ARNT2: variants seen among roughly 807,000 people sequenced by gnomAD.
ARNT2 encodes the protein aryl hydrocarbon receptor nuclear translocator 2.
Under a neutral mutation model 91.7 loss-of-function variants are expected in ARNT2, and 36 were observed. The observed-to-expected ratio is 0.39, with a 90% CI of 0.30 to 0.52. The LOEUF is 0.52. Ranked by LOEUF, ARNT2 falls within the 20% of genes least tolerant of loss-of-function variation. ARNT2 has a pLI of 0.72. For missense variants in ARNT2, 775 were observed against 939.3 expected (o/e 0.83, Z 2.29); for synonymous variants, 365 against 347.1 (o/e 1.05, Z -0.57).
chr15:80,404,496 G>C lies in ARNT2; in HGVS notation c.-20G>C. The C allele has an allele frequency of 8.1e-7, 1 of 1,237,542 alleles. No homozygotes were observed. Among genetic ancestry groups the C allele is most frequent in the Non-Finnish European group, 1.0e-6 (1 of 971,264 alleles). 76.7% of individuals were successfully genotyped at this position (1,237,542 alleles called of 1,614,324 possible). A position where few individuals can be genotyped will look rare whatever the true frequency, so the allele number is the denominator to read the frequency against. ...CCTCCCGCGCCCCTGCCAAGCGGGC[G>C]CCTATCCTCTCCGAGCAAGATGGCA... is the stretch of plus-strand genomic sequence containing the variant. On this transcript the variant is annotated 5_prime_UTR_variant, in exon 1 of 19. Transcript: ENST00000303329. This position sits in a 1 kb window ranked among gnomAD's most constrained non-coding sequence, Gnocchi z 5.5.
At chr15:80,572,942 A>G (rs1253751437) in intron 12 of ARNT2, among the ~76,000 whole-genome samples, 1 of 152,244 alleles carries the variant, frequency 6.6e-6, no homozygotes, top group Non-Finnish European at 1.5e-5. Flanking sequence ...TTCAGGATTT[A>G]CAAAGTCACT....
chr15:80,577,356 G>A (rs920839403), intron 15 of ARNT2, among the ~76,000 whole-genome samples: 3 of 152,228 alleles, frequency 2.0e-5, no homozygotes, highest in Non-Finnish European at 2.9e-5. Flanking sequence ...AGACTGGTCA[G>A]CTCAGCCCAC....
intron 14 of ARNT2, 95 bp from the exon 15 acceptor site, chr15:80,576,771 C>A: frequency 7.4e-7 from 1 of 1,343,316 alleles, no homozygotes; most frequent in South Asian, 1.2e-5. Flanking sequence ...CCTCCCGTTC[C>A]CACGCCCACC....
Position 80,595,818 on chromosome 15 carries a change from G to A in ARNT2, c.*2120G>A, listed in dbSNP as rs1470285139. ...GAATGGGCCTTTCTCTGCCTGCCCT[G>A]CCCTTGGGGCCACCTCTGCCTCCAG... On this transcript the variant is annotated 3_prime_UTR_variant, in exon 19 of 19. Transcript: ENST00000303329. 1 of 152,176 alleles carries A rather than the reference G, an allele frequency of 6.6e-6. No homozygotes were observed. The highest frequency in any genetic ancestry group is 1.5e-5 in the Non-Finnish European group (1 of 68,046). The allele number at this position is 152,176 out of a possible 1,614,324, so 9.4% of individuals were successfully genotyped here. A position where few individuals can be genotyped will look rare whatever the true frequency, so the allele number is the denominator to read the frequency against.
intron 5 of ARNT2, among the ~76,000 whole-genome samples, chr15:80,499,214 A>G (rs1434358904): frequency 6.6e-6 from 1 of 152,166 alleles, no homozygotes; most frequent in Non-Finnish European, 1.5e-5. Flanking sequence ...TCAATGATCA[A>G]ATATTTCTCC....
At chr15:80,406,636 G>A (rs1339154769) in intron 1 of ARNT2, among the ~76,000 whole-genome samples, 1 of 152,188 alleles carries the variant, frequency 6.6e-6, no homozygotes, top group Non-Finnish European at 1.5e-5. Context: ...GTGGTGTGAA[G>A]CACAGGAAAG....
At chr15:80,547,221 A>G (rs1489393768) in intron 8 of ARNT2, among the ~76,000 whole-genome samples, 1 of 152,198 alleles carries the variant, frequency 6.6e-6, no homozygotes, top group Non-Finnish European at 1.5e-5. Context: ...ATTTGCGCTG[A>G]TGGCGTAAAA....
At chr15:80,503,851 A>G (rs1897233900) in intron 5 of ARNT2, among the ~76,000 whole-genome samples, 3 of 152,242 alleles carry the variant, frequency 2.0e-5, no homozygotes, top group Admixed American at 2.0e-4. Context: ...ACCAGTAGTC[A>G]GCATGGTGGT....
intron 2 of ARNT2, among the ~76,000 whole-genome samples, chr15:80,457,032 T>C (rs16972160): frequency 0.083 from 12,572 of 152,232 alleles, 783 homozygotes; most frequent in African/African-American, 0.17. Flanking sequence ...AGCTCAGACA[T>C]CTGTATCATT....
chr15:80,502,377 A>G (rs904150370), intron 5 of ARNT2, among the ~76,000 whole-genome samples: 1 of 152,206 alleles, frequency 6.6e-6, no homozygotes, highest in African/African-American at 2.4e-5. Context: ...GGCCTTCCAC[A>G]TGGGTGCTGA....
Position 80,512,948 on chromosome 15 carries a change from G to A in ARNT2, c.726-963G>A, listed in dbSNP as rs918781961. Among the ~76,000 whole-genome samples, 3 of 152,288 alleles carry A rather than the reference G, an allele frequency of 2.0e-5. No homozygotes were observed. The South Asian group carries it at 6.2e-4, about 32-fold the overall frequency. On this transcript the variant is annotated intron_variant, in intron 6 of 18. Transcript: ENST00000303329. ...AAATGAAACAGCTATTTTCAGTAAA[G>A]CACTGGGCACAGTCAGCCAGAAAAG...
intron 3 of ARNT2, among the ~76,000 whole-genome samples, chr15:80,469,566 T>C (rs1473346427): frequency 6.6e-6 from 1 of 151,502 alleles, no homozygotes; most frequent in African/African-American, 2.4e-5. Context: ...TATGTAAAGA[T>C]ACAACATGTA....
At chr15:80,437,953 A>ACG (rs1032171052) in intron 1 of ARNT2, among the ~76,000 whole-genome samples, 5 of 151,870 alleles carry the variant, frequency 3.3e-5, no homozygotes, top group African/African-American at 1.2e-4. Flanking sequence ...ACACACACAC[A>ACG]CACACACAGA....
intron 1 of ARNT2, among the ~76,000 whole-genome samples, chr15:80,446,413 G>A (rs1396142300): frequency 6.6e-6 from 1 of 152,120 alleles, no homozygotes; most frequent in Non-Finnish European, 1.5e-5. Flanking sequence ...TGGCTAGATG[G>A]AGTGACCCCA....
rs78958048 is a variant in ARNT2, at chr15:80,508,332, C to G, written c.725+74C>G. 7,678 of 1,475,328 alleles carry G rather than the reference C, an allele frequency of 5.2e-3. 232 individuals are homozygous for G. Among genetic ancestry groups the G allele is most frequent in the East Asian group, 0.049 (2,135 of 43,896 alleles). 91.4% of individuals were successfully genotyped at this position (1,475,328 alleles called of 1,614,324 possible). ...TTTCTGTCACCGTTAAGAGCCTTGACCAGCTCTGCCGCAGTCACACATGCC... is the reference window on the plus strand; with the variant it reads ...TTTCTGTCACCGTTAAGAGCCTTGAGCAGCTCTGCCGCAGTCACACATGCC... On this transcript the variant is annotated intron_variant, in intron 6 of 18. Transcript: ENST00000303329.
intron 1 of ARNT2, among the ~76,000 whole-genome samples, chr15:80,433,597 C>T (rs1377672283): frequency 1.3e-5 from 2 of 152,010 alleles, no homozygotes; most frequent in African/African-American, 2.4e-5. Flanking sequence ...CCACACCCAG[C>T]CTAGAAAAGG....
chr15:80,446,204 A>G lies in ARNT2; in HGVS notation c.32-4676A>G, dbSNP rs181895023. 4.6e-3 allele frequency among the ~76,000 whole-genome samples: 707 copies of G among 152,234 alleles called. 5 individuals carry two copies. Among genetic ancestry groups the G allele is most frequent in the African/African-American group, 0.016 (669 of 41,512 alleles). On this transcript the variant is annotated intron_variant, in intron 1 of 18. Transcript: ENST00000303329. ...TTATATAAAGATCACACGTACATAC[A>G]GGTATAATGTCTGCTTGGAAAAGAC...
At chr15:80,581,109 A>T in intron 16 of ARNT2, 130 bp from the exon 17 acceptor site, 1 of 1,146,526 alleles carries the variant, frequency 8.7e-7, no homozygotes, top group Non-Finnish European at 1.3e-6. Flanking sequence ...GCCTAGCCAG[A>T]CAAGAGGGTC....
At position 80,508,183 on chromosome 15, in the gene ARNT2, C is replaced by T. The variant is rs370180129; in HGVS notation, c.650C>T (p.Thr217Met). 3.1e-6 allele frequency: 5 copies of T among 1,614,092 alleles called. No individual in the cohort carries two copies. The highest frequency in any genetic ancestry group is 1.7e-5 in the Admixed American group (1 of 60,014). The change falls in exon 6 of 19, where the codon ACG becomes ATG. Residue 217 changes from threonine to methionine, a missense_variant. Physicochemically the swap from Thr to Met is moderately conservative, Grantham distance 81. This residue lies in a region of ARNT2 where 285 missense variants were observed against 327.2 expected (regional missense o/e 0.87). Coordinates refer to ENST00000303329, the MANE Select transcript of ARNT2 (RefSeq NM_014862.4). ...CGGATCTTGGACCTGAAGACTGGGA[C>T]GGTCAAGAAAGAAGGGCAGCAGTCA... ...TGRILDLKTG[T>M]VKKEGQQSSM...
Sources: allele counts gnomAD v4.1 joint callset (sites outside exome capture counted in the v4.1 genomes callset), GRCh38; gene constraint gnomAD v4.1.1; regional missense constraint gnomAD v4.1.1; non-coding constraint Gnocchi (gnomAD v3.1); transcripts MANE v1.5; gene names NCBI Gene and HGNC (gene_info 2026-07-23, HGNC 2026-07-21).